ETS1: variants seen among roughly 807,000 people sequenced by gnomAD.
The protein encoded by ETS1 is protein C-ets-1.
Under a neutral mutation model 58.6 loss-of-function variants are expected in ETS1, and 15 were observed. The ratio of observed to expected loss-of-function variants is 0.26; its 90% confidence interval spans 0.17 to 0.39. The LOEUF (loss-of-function observed/expected upper bound fraction) is 0.39, where lower values mean the gene tolerates loss of function less well. Ranked by LOEUF, ETS1 falls within the 10% of genes least tolerant of loss-of-function variation. The probability of loss-of-function intolerance (pLI) is 1.00; values close to 1 mark genes in which losing one functional copy is unlikely to be tolerated. For synonymous variants in ETS1, 214 were observed against 218.2 expected (o/e 0.98, Z 0.17); for missense variants, 417 against 610.5 (o/e 0.68, Z 3.34).
chr11:128,494,397 T>C (rs1039609977), intron 3 of ETS1, among the ~76,000 whole-genome samples: 8 of 152,234 alleles, frequency 5.3e-5, no homozygotes, highest in African/African-American at 1.9e-4. Context: ...GGTGATTAAA[T>C]AACCATTGCA....
chr11:128,529,932 C>T (rs189171172), intron 3 of ETS1, among the ~76,000 whole-genome samples: 5 of 152,270 alleles, frequency 3.3e-5, no homozygotes, highest in Non-Finnish European at 7.4e-5. Flanking sequence ...CTGCTTTAAA[C>T]CTCTTTTCTG....
At position 128,585,136 on chromosome 11, in the gene ETS1, AAAAGAAAG is replaced by A. The variant is rs778744570; in HGVS notation, c.-15+2344_-15+2351del. Among the ~76,000 whole-genome samples, 104 of 13,954 alleles carry A rather than the reference AAAAGAAAG, an allele frequency of 7.5e-3. 26 individuals are homozygous for A. Among genetic ancestry groups the A allele is most frequent in the Admixed American group, 0.013 (16 of 1,196 alleles). The allele number at this position is 13,954 out of a possible 152,430, so 9.2% of individuals were successfully genotyped here. On this transcript the variant is annotated intron_variant, in intron 1 of 9. Coordinates refer to ENST00000392668, the MANE Select transcript of ETS1 (RefSeq NM_001143820.2). Reference sequence around the variant, plus strand: ...GGAAGGAAAGAAAGAAGAAAGAAAGAAAAGAAAGAAAGAAAGAAAGAAAGAAAGAAAGA... The same window carrying A: ...GGAAGGAAAGAAAGAAGAAAGAAAGAAAAGAAAGAAAGAAAGAAAGAAAGA...
In ETS1 at chr11:128,484,915, G is replaced by T; in HGVS notation, c.770C>A (p.Pro257His). 3 of 1,614,044 alleles carry T rather than the reference G, an allele frequency of 1.9e-6. No individual in the cohort carries two copies. The highest frequency in any genetic ancestry group is 2.5e-6 in the Non-Finnish European group (3 of 1,179,928). The change falls in exon 7 of 10, where the codon CCT becomes CAT. Residue 257 changes from proline to histidine, a missense_variant. Physicochemically the swap from Pro to His is moderately conservative, Grantham distance 77. Around this residue, in one of 4 missense-constraint regions of ETS1, gnomAD observed 139 missense variants for 152.1 expected, o/e 0.91. Coordinates refer to ENST00000392668, the MANE Select transcript of ETS1 (RefSeq NM_001143820.2). ...NDYPSVILRD[P>H]LQTDTLQNDY... ...ATTCTGCAAGGTGTCTGTCTGGAGA[G>T]GGTCTCGGAGAATGACCGAGGGGTA...
chr11:128,532,421 A>C (rs1306208913), intron 3 of ETS1, among the ~76,000 whole-genome samples: 2 of 152,228 alleles, frequency 1.3e-5, no homozygotes, highest in Non-Finnish European at 2.9e-5. Flanking sequence ...CCAGCCATTA[A>C]GCCTGGCAGC....
intron 3 of ETS1, among the ~76,000 whole-genome samples, chr11:128,550,636 T>A (rs1565406384): frequency 6.6e-6 from 1 of 152,164 alleles, no homozygotes; most frequent in Admixed American, 6.5e-5. Flanking sequence ...TGGGAGTAGC[T>A]TGTCAGGGCA....
intron 3 of ETS1, among the ~76,000 whole-genome samples, chr11:128,533,332 G>C (rs912753104): frequency 6.6e-6 from 1 of 152,176 alleles, no homozygotes; most frequent in Non-Finnish European, 1.5e-5. Context: ...CAGAGAGCCT[G>C]GGCAAGATGC....
At chr11:128,465,271 G>A (rs76549837) in intron 8 of ETS1, among the ~76,000 whole-genome samples, 3,456 of 152,262 alleles carry the variant, frequency 0.023, 145 homozygotes, top group African/African-American at 0.079. Context: ...TACCTTACAT[G>A]TATTCCACAA....
chr11:128,576,632 G>A (rs1864754727), intron 1 of ETS1, among the ~76,000 whole-genome samples: 1 of 152,150 alleles, frequency 6.6e-6, no homozygotes, highest in African/African-American at 2.4e-5. Context: ...CGCAGGATAA[G>A]TGGGTCAGAA....
At chr11:128,482,572 C>T (rs1427529324) in intron 7 of ETS1, among the ~76,000 whole-genome samples, 1 of 152,182 alleles carries the variant, frequency 6.6e-6, no homozygotes, top group African/African-American at 2.4e-5. Context: ...CTGGCAACCC[C>T]CCAAACATGA....
At chr11:128,584,559 C>T (rs1864935584) in intron 1 of ETS1, among the ~76,000 whole-genome samples, 1 of 152,136 alleles carries the variant, frequency 6.6e-6, no homozygotes, top group East Asian at 1.9e-4. Flanking sequence ...ATACCAAGTG[C>T]TCAGTAAACG....
chr11:128,476,728 T>C (rs974665146), intron 8 of ETS1, among the ~76,000 whole-genome samples: 1 of 152,276 alleles, frequency 6.6e-6, no homozygotes, highest in Admixed American at 6.5e-5. Context: ...TCTAGGACTG[T>C]GTTGTAATTA....
intron 3 of ETS1, among the ~76,000 whole-genome samples, chr11:128,553,695 CCCT>C (rs139279593): frequency 2.0e-5 from 3 of 151,460 alleles, no homozygotes; most frequent in Admixed American, 6.6e-5. Flanking sequence ...ACTCCCGCCA[CCCT>C]CCTCCTCCTC....
chr11:128,534,426 A>G (rs1191551201), intron 3 of ETS1, among the ~76,000 whole-genome samples: 1 of 152,204 alleles, frequency 6.6e-6, no homozygotes, highest in Non-Finnish European at 1.5e-5. Context: ...TTTTTTAAGA[A>G]TATTTTATTT....
At chr11:128,472,816 T>A (rs1862221930) in intron 8 of ETS1, among the ~76,000 whole-genome samples, 1 of 152,222 alleles carries the variant, frequency 6.6e-6, no homozygotes, top group South Asian at 2.1e-4. Context: ...TGCAGCATGG[T>A]CTGAAGGTTC....
At chr11:128,512,871 GC>G (rs1863427049) in intron 3 of ETS1, among the ~76,000 whole-genome samples, 1 of 152,280 alleles carries the variant, frequency 6.6e-6, no homozygotes, top group African/African-American at 2.4e-5. Context: ...TCATCACTCA[GC>G]CCACAGACTC....
intron 4 of ETS1, 25 bp from the exon 5 acceptor site, chr11:128,489,515 T>A: frequency 6.2e-7 from 1 of 1,604,614 alleles, no homozygotes; most frequent in Non-Finnish European, 8.5e-7. Flanking sequence ...CAGATGAAGA[T>A]CCAGCAGGTC....
At chr11:128,540,214 G>A (rs1433115234) in intron 3 of ETS1, among the ~76,000 whole-genome samples, 1 of 151,108 alleles carries the variant, frequency 6.6e-6, no homozygotes, top group Non-Finnish European at 1.5e-5. Context: ...TCAGGAGTCT[G>A]AGACTGGAGA....
rs1861977924 is a variant in ETS1 at position 128,464,311 on chromosome 11, A to G, written c.1124-684T>C. On this transcript the variant is annotated intron_variant, in intron 8 of 9. Coordinates refer to ENST00000392668, the MANE Select transcript of ETS1 (RefSeq NM_001143820.2). This position sits in a 1 kb window ranked among gnomAD's most constrained non-coding sequence, Gnocchi z 4.1. ...CCAGAAAATCCTCAGGGGTCAGATG[A>G]GGACTGTCAGAAATTCTGCATAGGT... Among the ~76,000 whole-genome samples, 1 of 150,902 alleles carries G rather than the reference A, an allele frequency of 6.6e-6. No homozygotes were observed. The highest frequency in any genetic ancestry group is 2.4e-5 in the African/African-American group (1 of 41,028).
intron 3 of ETS1, among the ~76,000 whole-genome samples, chr11:128,525,619 G>GAAAAAAAA (rs10554000): frequency 4.0e-5 from 3 of 75,818 alleles, no homozygotes; most frequent in East Asian, 4.0e-4. Context: ...GTAAGATTTA[G>GAAAAAAAA]AAAAAAAAAA....
Sources: allele counts gnomAD v4.1 joint callset (sites outside exome capture counted in the v4.1 genomes callset), GRCh38; gene constraint gnomAD v4.1.1; regional missense constraint gnomAD v4.1.1; non-coding constraint Gnocchi (gnomAD v3.1); transcripts MANE v1.5; gene names NCBI Gene and HGNC (gene_info 2026-07-23, HGNC 2026-07-21).